Variants in RPL38 observed in about 807,000 individuals in gnomAD.
The protein encoded by RPL38 is ribosomal protein L38, also known as large ribosomal subunit protein eL38.
A neutral mutation model predicts 12.8 loss-of-function variants in RPL38; 2 were observed. The observed-to-expected ratio is 0.16, with a 90% CI of 0.06 to 0.49. RPL38 has a LOEUF of 0.49. Ranked by LOEUF, RPL38 falls within the 20% of genes least tolerant of loss-of-function variation. RPL38 has a pLI of 0.96. For synonymous variants in RPL38, 42 were observed against 30.1 expected (o/e 1.39, Z -1.29); for missense variants, 52 against 79.8 (o/e 0.65, Z 1.33).
rs552207017 is a variant in RPL38, at chr17:74,206,735, T to C, written c.65-2452T>C. 1.6e-4 allele frequency among the ~76,000 whole-genome samples: 20 copies of C among 121,474 alleles called. No individual in the cohort carries two copies. The East Asian group carries it at 4.9e-3, about 30-fold the overall frequency. 79.7% of individuals were successfully genotyped at this position (121,474 alleles called of 152,430 possible). On this transcript the variant is annotated intron_variant, in intron 3 of 4. Coordinates refer to ENST00000311111, the MANE Select transcript of RPL38 (RefSeq NM_000999.4). Reference sequence around the variant, plus strand: ...TTTTTTTTTTTTTTTTTTTTTGACATGGAATGTCACTCTGTTGCCCAGACT... The same window carrying C: ...TTTTTTTTTTTTTTTTTTTTTGACACGGAATGTCACTCTGTTGCCCAGACT...
chr17:74,209,305 C>T lies in RPL38; in HGVS notation c.183C>T (p.Pro61=), dbSNP rs77174397. Residue 61 remains proline (P), a synonymous_variant, in exon 4 of 5, where the codon CCC becomes CCT. Transcript: ENST00000311111. ...EKAEKLKQSL[P]PGLAVKELK is the part of the protein sequence containing the mutation. ...CAGAGAAACTGAAGCAGTCCCTGCCCCCCGGTGAGTGAGCCTGAAGTCACT... is the reference window on the plus strand; with the variant it reads ...CAGAGAAACTGAAGCAGTCCCTGCCTCCCGGTGAGTGAGCCTGAAGTCACT... 1.7e-4 allele frequency: 275 copies of T among 1,613,972 alleles called. 1 individual carries two copies. In the African/African-American group the frequency reaches 2.8e-3, roughly 17 times the overall value.
intron 1 of RPL38, 56 bp downstream of exon 1, chr17:74,203,801 A>G: frequency 1.1e-6 from 1 of 934,116 alleles, no homozygotes; most frequent in Non-Finnish European, 1.6e-6. Context: ...GTCCGCGTGG[A>G]GGGTGTCGGG....
At chr17:74,209,684 G>A (rs773264999) in intron 4 of RPL38, 120 bp from the exon 5 acceptor site, 34 of 849,386 alleles carry the variant, frequency 4.0e-5, no homozygotes, top group Admixed American at 1.7e-4. Context: ...CCGAAACTTC[G>A]CTGGTGGATC....
intron 3 of RPL38, 154 bp downstream of exon 3, chr17:74,204,344 G>A (rs564035846): frequency 7.6e-6 from 5 of 661,156 alleles, no homozygotes; most frequent in Non-Finnish European, 1.3e-5. Context: ...TTTCCCATGA[G>A]AAAGACCTGT....
intron 3 of RPL38, among the ~76,000 whole-genome samples, chr17:74,208,166 G>GCACAT (rs2050132065): frequency 6.6e-6 from 1 of 152,148 alleles, no homozygotes; most frequent in Non-Finnish European, 1.5e-5. Flanking sequence ...TTCTTGATTG[G>GCACAT]CACATCACTG....
intron 2 of RPL38, 31 bp from the exon 3 acceptor site, chr17:74,204,099 T>C: frequency 6.2e-7 from 1 of 1,613,876 alleles, no homozygotes; most frequent in Non-Finnish European, 8.5e-7. Context: ...GTCTCTTTCC[T>C]CTCTGTTCAC....
intron 3 of RPL38, among the ~76,000 whole-genome samples, chr17:74,208,972 A>G (rs1326825424): frequency 6.6e-6 from 1 of 152,114 alleles, no homozygotes; most frequent in Non-Finnish European, 1.5e-5. Context: ...AATAAGGTTG[A>G]TAGAAGATAT....
chr17:74,209,613 A>C (rs922780536), intron 4 of RPL38, among the ~76,000 whole-genome samples, 191 bp from the exon 5 acceptor site: 2 of 152,140 alleles, frequency 1.3e-5, no homozygotes, highest in African/African-American at 4.8e-5. Context: ...AATATAATAG[A>C]CCAAGTCTTT....
rs571175174 is a variant in RPL38, at chr17:74,209,952, C to T, written c.*123C>T. The T allele has an allele frequency of 3.1e-5, 19 of 609,528 alleles. No individual in the cohort carries two copies. Among genetic ancestry groups the T allele is most frequent in the East Asian group, 2.4e-4 (7 of 28,780 alleles). 37.8% of individuals were successfully genotyped at this position (609,528 alleles called of 1,614,324 possible). On this transcript the variant is annotated 3_prime_UTR_variant, in exon 5 of 5. Transcript: ENST00000311111. ...AGTGGCTTCTGATGGGAACAGGACGCGGGTTCTGTTGCTGCCTTCCTGTGT... is the reference window on the plus strand; with the variant it reads ...AGTGGCTTCTGATGGGAACAGGACGTGGGTTCTGTTGCTGCCTTCCTGTGT...
intron 3 of RPL38, among the ~76,000 whole-genome samples, chr17:74,206,811 C>T (rs1244931674): frequency 7.0e-6 from 1 of 143,488 alleles, no homozygotes; most frequent in East Asian, 2.1e-4. Context: ...CTCCCAGGTT[C>T]ATGCCATTCT....
At chr17:74,204,631 A>G (rs1268927835) in intron 3 of RPL38, 1 of 170,684 alleles carries the variant, frequency 5.9e-6, no homozygotes, top group Non-Finnish European at 1.3e-5. Context: ...ATGGTCGTTT[A>G]CCTCGTGATC....
chr17:74,206,708 C>CTTT (rs35333460), intron 3 of RPL38, among the ~76,000 whole-genome samples: 1,318 of 101,532 alleles, frequency 0.013, 94 homozygotes, highest in African/African-American at 0.042. Flanking sequence ...TTTTTTCTTT[C>CTTT]TTTTTTTTTT....
In RPL38 at chr17:74,209,857, A is replaced by G; in HGVS notation, c.*28A>G. On this transcript the variant is annotated 3_prime_UTR_variant, in exon 5 of 5. Coordinates refer to ENST00000311111, the MANE Select transcript of RPL38 (RefSeq NM_000999.4). ...CAGACACACTGATTGGAACTGTATT[A>G]TATTAAAATACTAAAAATCCTAAGT... is the stretch of plus-strand genomic sequence containing the variant. The G allele has an allele frequency of 6.3e-7, 1 of 1,575,948 alleles. No individual in the cohort carries two copies. Among genetic ancestry groups the G allele is most frequent in the Non-Finnish European group, 8.7e-7 (1 of 1,146,232 alleles).
rs1448065852 is a variant in RPL38, at chr17:74,210,427, A to G, written c.*598A>G. 6.6e-6 allele frequency: 1 copy of G among 152,574 alleles called. No homozygotes were observed. The highest frequency in any genetic ancestry group is 1.5e-5 in the Non-Finnish European group (1 of 68,272). 9.5% of individuals were successfully genotyped at this position (152,574 alleles called of 1,614,324 possible). A position where few individuals can be genotyped will look rare whatever the true frequency, so the allele number is the denominator to read the frequency against. ...GGTCCCAAAATGGGTGCAACAAGGT[A>G]TAGCACATCTACCACTCGCTAACTT... On this transcript the variant is annotated 3_prime_UTR_variant, in exon 5 of 5. Coordinates refer to ENST00000311111, the MANE Select transcript of RPL38 (RefSeq NM_000999.4).
At chr17:74,204,512 A>G in intron 3 of RPL38, 1 of 383,696 alleles carries the variant, frequency 2.6e-6, no homozygotes, top group Non-Finnish European at 4.8e-6. Context: ...CGTCCCATAA[A>G]CACTGTTTAG....
At chr17:74,209,166 C>T in intron 3 of RPL38, 21 bp from the exon 4 acceptor site, 1 of 1,611,924 alleles carries the variant, frequency 6.2e-7, no homozygotes, top group Non-Finnish European at 8.5e-7. Context: ...CAATTTAATT[C>T]CTGATTCTGG....
intron 3 of RPL38, among the ~76,000 whole-genome samples, 162 bp from the exon 4 acceptor site, chr17:74,209,025 T>A (rs1182093741): frequency 6.6e-6 from 1 of 152,088 alleles, no homozygotes; most frequent in Non-Finnish European, 1.5e-5. Flanking sequence ...AGTCCCAAGT[T>A]GGAGGAACGG....
At chr17:74,206,726 T>TTTC (rs2050118162) in intron 3 of RPL38, among the ~76,000 whole-genome samples, 1 of 145,240 alleles carries the variant, frequency 6.9e-6, no homozygotes, top group African/African-American at 2.6e-5. Context: ...TTTTTTTTTT[T>TTTC]TTTTGACATG....
chr17:74,206,765 A>T (rs2050118724), intron 3 of RPL38, among the ~76,000 whole-genome samples: 1 of 130,640 alleles, frequency 7.7e-6, no homozygotes, highest in African/African-American at 3.0e-5. Context: ...CAGACTGGAG[A>T]GCAGTGGCGG....
Sources: gnomAD v4.1 joint callset for allele counts (sites outside exome capture counted in the v4.1 genomes callset) on GRCh38, gnomAD v4.1.1 for gene constraint, MANE v1.5 for transcripts, NCBI Gene and HGNC (gene_info 2026-07-23, HGNC 2026-07-21) for gene names.